VWA8: variants seen among roughly 807,000 people sequenced by gnomAD.
VWA8 encodes the protein von Willebrand factor A domain-containing protein 8.
A neutral mutation model predicts 241.5 loss-of-function variants in VWA8; 221 were observed. That is an observed-to-expected ratio of 0.91 (90% confidence interval 0.82 to 1.02). The LOEUF is 1.02. Among genes scored for constraint, VWA8 ranks in the 50% least tolerant of loss-of-function variants. The probability of loss-of-function intolerance (pLI) is 0.00; values close to 1 mark genes in which losing one functional copy is unlikely to be tolerated. For synonymous variants in VWA8, 852 were observed against 827.1 expected (o/e 1.03, Z -0.52); for missense variants, 2,322 against 2,328.7 (o/e 1.00, Z 0.06).
At position 41,611,860 on chromosome 13, in the gene VWA8, A is replaced by T. The variant is rs1273031195; in HGVS notation, c.4721-128T>A. On this transcript the variant is annotated intron_variant, in intron 38 of 44. Coordinates refer to ENST00000379310, the MANE Select transcript of VWA8 (RefSeq NM_015058.2). ...ACTTAACTAGTAATTAAACAGTCAA[A>T]TTACCTTCTGGAAAAAGATGTATTC... 5 of 1,061,002 alleles carry T rather than the reference A, an allele frequency of 4.7e-6. No individual in the cohort carries two copies. In the African/African-American group the frequency reaches 4.8e-5, roughly 10 times the overall value. 65.7% of individuals were successfully genotyped at this position (1,061,002 alleles called of 1,614,324 possible).
chr13:41,663,397 A>C (rs554723910), intron 37 of VWA8, among the ~76,000 whole-genome samples: 2 of 152,252 alleles, frequency 1.3e-5, no homozygotes, highest in South Asian at 4.1e-4. Flanking sequence ...TTCTTATCAA[A>C]GTAATAAGCA....
intron 12 of VWA8, among the ~76,000 whole-genome samples, chr13:41,857,594 G>GT (rs771767429): frequency 1.2e-4 from 19 of 152,032 alleles, no homozygotes; most frequent in Non-Finnish European, 1.6e-4. Flanking sequence ...AAAATTCATT[G>GT]TAATTTCATT....
intron 19 of VWA8, 41 bp downstream of exon 19, chr13:41,783,754 A>T: frequency 6.9e-7 from 1 of 1,451,886 alleles, no homozygotes; most frequent in Non-Finnish European, 9.6e-7. Flanking sequence ...TACTACCACA[A>T]TTTAAGTGAT....
intron 21 of VWA8, among the ~76,000 whole-genome samples, chr13:41,734,498 C>T (rs574214873): frequency 2.6e-5 from 4 of 152,332 alleles, no homozygotes; most frequent in Admixed American, 2.0e-4. Context: ...GGTTGCAGTA[C>T]GTACCTTCCC....
At chr13:41,806,489 G>A (rs1005233847) in intron 17 of VWA8, among the ~76,000 whole-genome samples, 3 of 151,990 alleles carry the variant, frequency 2.0e-5, no homozygotes, top group Admixed American at 2.0e-4. Flanking sequence ...GGATCACAAG[G>A]TCAGGAGATC....
At chr13:41,840,498 T>C (rs1332888771) in intron 12 of VWA8, among the ~76,000 whole-genome samples, 1 of 151,986 alleles carries the variant, frequency 6.6e-6, no homozygotes, top group East Asian at 1.9e-4. Context: ...TAGCTCATGC[T>C]TGTAATTCTA....
intron 17 of VWA8, among the ~76,000 whole-genome samples, chr13:41,804,115 G>T (rs889496573): frequency 1.5e-4 from 23 of 152,190 alleles, no homozygotes; most frequent in Non-Finnish European, 2.1e-4. Flanking sequence ...GATCAGGGTA[G>T]AAGACTTATT....
At chr13:41,942,614 T>C (rs1273680187) in intron 2 of VWA8, among the ~76,000 whole-genome samples, 2 of 151,990 alleles carry the variant, frequency 1.3e-5, no homozygotes, top group Non-Finnish European at 2.9e-5. Flanking sequence ...ACCCACCTAC[T>C]CCTTCCCAAC....
chr13:41,696,919 C>T (rs965267224), intron 29 of VWA8, among the ~76,000 whole-genome samples: 1 of 152,172 alleles, frequency 6.6e-6, no homozygotes, highest in Non-Finnish European at 1.5e-5. Flanking sequence ...ACATTCACTC[C>T]CTTGGTGAGT....
chr13:41,810,224 G>C (rs904198135), intron 17 of VWA8, among the ~76,000 whole-genome samples: 7 of 151,922 alleles, frequency 4.6e-5, no homozygotes, highest in African/African-American at 1.7e-4. Context: ...AAAATAACTA[G>C]AACAACCATA....
rs1019428432 is a variant in VWA8 at position 41,811,308 on chromosome 13, T to C, written c.1980A>G (p.Arg660=). 1 of 1,611,260 alleles carries C rather than the reference T, an allele frequency of 6.2e-7. No individual in the cohort carries two copies. Among genetic ancestry groups the C allele is most frequent in the African/African-American group, 1.3e-5 (1 of 74,978 alleles). The change falls in exon 17 of 45, where the codon AGA becomes AGG. Residue 660 remains arginine (R), a synonymous_variant. Coordinates refer to ENST00000379310, the MANE Select transcript of VWA8 (RefSeq NM_015058.2). Reference sequence around the variant, plus strand: ...GCCGACGAGAAATTCGCAACAGTTGTCTGGTAGAAAGTGATGCCGCTAATG... The same window carrying C: ...GCCGACGAGAAATTCGCAACAGTTGCCTGGTAGAAAGTGATGCCGCTAATG... ...AQSLAASLST[R]QLLRISRRLS...
intron 37 of VWA8, among the ~76,000 whole-genome samples, chr13:41,648,810 A>G (rs1041155421): frequency 6.6e-6 from 1 of 152,234 alleles, no homozygotes; most frequent in Non-Finnish European, 1.5e-5. Context: ...ATTTATGCTT[A>G]GAGTCTTCAG....
At chr13:41,686,051 T>C (rs1371504526) in intron 34 of VWA8, among the ~76,000 whole-genome samples, 1 of 152,178 alleles carries the variant, frequency 6.6e-6, no homozygotes, top group Non-Finnish European at 1.5e-5. Flanking sequence ...TTTTCTCACA[T>C]GTATAGTTTA....
chr13:41,648,102 G>A (rs1050579925), intron 37 of VWA8, among the ~76,000 whole-genome samples: 1 of 152,216 alleles, frequency 6.6e-6, no homozygotes, highest in African/African-American at 2.4e-5. Flanking sequence ...AACGTAGTTA[G>A]CAGAGGAGAG....
chr13:41,580,647 A>T (rs760171985), intron 42 of VWA8, among the ~76,000 whole-genome samples: 1 of 152,222 alleles, frequency 6.6e-6, no homozygotes, highest in Non-Finnish European at 1.5e-5. Flanking sequence ...CTCCTGAATT[A>T]CAGTTTAAAA....
Position 41,570,555 on chromosome 13 carries a change from G to C in VWA8, c.5522C>G (p.Pro1841Arg). The change falls in exon 44 of 45, where the codon CCT (proline) becomes CGT (arginine). Residue 1841 changes from proline (P) to arginine (R), a missense_variant. By Grantham distance (103) the Pro-to-Arg change is moderately radical. Transcript: ENST00000379310. ...TGTGAGGATTTGAGCAAACTTAGCA[G>C]GATGTATTCCATATCGTGACAGATT... Reference protein sequence around the residue: ...DANLSRYGIHPAKFAQILTRD... With the variant: ...DANLSRYGIHRAKFAQILTRD... The C allele has an allele frequency of 6.2e-7, 1 of 1,614,196 alleles. No individual in the cohort carries two copies. The highest frequency in any genetic ancestry group is 8.5e-7 in the Non-Finnish European group (1 of 1,180,038).
chr13:41,715,501 C>T (rs1057474796), intron 26 of VWA8, among the ~76,000 whole-genome samples: 5 of 151,818 alleles, frequency 3.3e-5, no homozygotes, highest in African/African-American at 1.2e-4. Flanking sequence ...ATAAATTATT[C>T]TGAAACACAC....
At chr13:41,594,606 G>A (rs1341612415) in intron 40 of VWA8, among the ~76,000 whole-genome samples, 1 of 152,156 alleles carries the variant, frequency 6.6e-6, no homozygotes, top group East Asian at 1.9e-4. Context: ...AAGATGACGG[G>A]TAGAGGGACT....
At chr13:41,921,501 CCT>C (rs1876533510) in intron 2 of VWA8, among the ~76,000 whole-genome samples, 1 of 152,160 alleles carries the variant, frequency 6.6e-6, no homozygotes. Context: ...TCAAATTGTC[CCT>C]GTTTGCAGAT....
Sources: gnomAD v4.1 joint callset for allele counts (sites outside exome capture counted in the v4.1 genomes callset) on GRCh38, gnomAD v4.1.1 for gene constraint, MANE v1.5 for transcripts, NCBI Gene and HGNC (gene_info 2026-07-23, HGNC 2026-07-21) for gene names.